The following PGM3 variants were observed in gnomAD, a reference collection of about 807,000 sequenced individuals.
PGM3 encodes the protein phosphoacetylglucosamine mutase.
PGM3 carries 40 observed loss-of-function variants against 66.2 expected under a neutral mutation model. The ratio of observed to expected loss-of-function variants is 0.60; its 90% CI spans 0.47 to 0.79. The LOEUF (loss-of-function observed/expected upper bound fraction) is 0.79. Ranked by LOEUF, PGM3 falls within the 30% of genes least tolerant of loss-of-function variation. The pLI is 0.00. For synonymous variants in PGM3, 191 were observed against 224.2 expected, an observed-to-expected ratio of 0.85 and a Z score of 1.32; for missense variants, 537 against 643.4, an observed-to-expected ratio of 0.83 and a Z score of 1.79.
downstream of PGM3, among the ~76,000 whole-genome samples, chr6:83,163,742 C>T (rs1784778387): frequency 6.6e-6 from 1 of 152,086 alleles, no homozygotes; most frequent in Non-Finnish European, 1.5e-5. Context: ...AAGACCCCCA[C>T]AACCTGCAGT....
Position 83,190,730 on chromosome 6 carries a change from C to T in PGM3, c.204+79G>A, listed in dbSNP as rs759249162. 6.8e-5 allele frequency: 76 copies of T among 1,121,180 alleles called. 1 individual carries two copies. The highest frequency in any genetic ancestry group is 9.9e-5 in the Non-Finnish European group (74 of 744,902). The allele number at this position is 1,121,180 out of a possible 1,614,324, so 69.5% of individuals were successfully genotyped here. A position where few individuals can be genotyped will look rare whatever the true frequency, so the allele number is the denominator to read the frequency against. The stretch of plus-strand genomic sequence containing the variant: ...CACATTCCTAGAATTAGAATTTGTA[C>T]TTTAGGTCAATTTGCTCAGACACTA... On this transcript the variant is annotated intron_variant, in intron 2 of 12. Transcript: ENST00000513973.
intron 3 of PGM3, 152 bp from the exon 4 acceptor site, chr6:83,187,227 G>A: frequency 6.0e-6 from 3 of 504,182 alleles, no homozygotes; most frequent in African/African-American, 2.0e-5. Context: ...CAAGATAACT[G>A]GTAAATTATA....
chr6:83,159,615 A>C, downstream of PGM3: 1 of 707,252 alleles, frequency 1.4e-6, no homozygotes, highest in Admixed American at 2.9e-5. Context: ...GCATTCTCAA[A>C]GAAGAAAAGT....
At chr6:83,191,945 G>GT (rs1789112097) in intron 1 of PGM3, among the ~76,000 whole-genome samples, 1 of 110,540 alleles carries the variant, frequency 9.0e-6, no homozygotes, top group African/African-American at 3.4e-5. Context: ...GGTGACAAAG[G>GT]GAGACTCGGT....
At chr6:83,171,576 T>TGCCTCCCAGGTTCAAGTGATTC (rs1270424354) in intron 11 of PGM3, among the ~76,000 whole-genome samples, 1 of 152,176 alleles carries the variant, frequency 6.6e-6, no homozygotes, top group Non-Finnish European at 1.5e-5. Context: ...CTGCAACCTC[T>TGCCTCCCAGGTTCAAGTGATTC]GCCTCCCAGG....
rs1583236080 is a variant in PGM3 at position 83,168,528 on chromosome 6, A to G, written c.*706T>C. ...GGTTGGGGATTTTTCTCTTTTCCTT[A>G]TTAACCATGTTCTGGTATCAGAATG... On this transcript the variant is annotated 3_prime_UTR_variant, in exon 13 of 13. Coordinates refer to ENST00000513973, the MANE Select transcript of PGM3 (RefSeq NM_015599.3). 2 of 1,008,524 alleles carry G rather than the reference A, an allele frequency of 2.0e-6. No homozygotes were observed. Among genetic ancestry groups the G allele is most frequent in the East Asian group, 2.0e-4 (2 of 9,832 alleles). The allele number at this position is 1,008,524 out of a possible 1,614,324, so 62.5% of individuals were successfully genotyped here.
rs540127091 is a variant in PGM3, at chr6:83,171,925, T to C, written c.1365+12A>G. 6.2e-7 allele frequency: 1 copy of C among 1,605,870 alleles called. No individual in the cohort carries two copies. The highest frequency in any genetic ancestry group is 1.1e-5 in the South Asian group (1 of 89,742). ...AATATTCAAAAAAGTTACTTTAAAG[T>C]TTCTCTCACACCTGAACTTTAAGTT... On this transcript the variant is annotated intron_variant, in intron 11 of 12. Transcript: ENST00000513973.
At chr6:83,192,670 T>C (rs1317671825) in intron 1 of PGM3, among the ~76,000 whole-genome samples, 2 of 151,652 alleles carry the variant, frequency 1.3e-5, no homozygotes. Flanking sequence ...CATAAGAGTG[T>C]AAACCAGTCC....
chr6:83,169,841 C>G (rs1562406839), intron 12 of PGM3: 1 of 456,370 alleles, frequency 2.2e-6, no homozygotes. Flanking sequence ...AGTCTTGACC[C>G]CTGTCAGGGA....
Position 83,166,600 on chromosome 6 carries a change from A to T in PGM3, c.*2634T>A. The T allele has an allele frequency of 1.5e-6, 1 of 674,408 alleles. No homozygotes were observed. Among genetic ancestry groups the T allele is most frequent in the Non-Finnish European group, 2.3e-6 (1 of 433,086 alleles). 41.8% of individuals were successfully genotyped at this position (674,408 alleles called of 1,614,324 possible). On this transcript the variant is annotated 3_prime_UTR_variant, in exon 13 of 13. Coordinates refer to ENST00000513973, the MANE Select transcript of PGM3 (RefSeq NM_015599.3). ...ATATGCTTAAAATGATGTATAACAT[A>T]ACCACATTTATTTAAGAATGTACTC...
At chr6:83,160,433 T>C (rs1361382917), downstream of PGM3, among the ~76,000 whole-genome samples, 1 of 152,174 alleles carries the variant, frequency 6.6e-6, no homozygotes, top group Non-Finnish European at 1.5e-5. Context: ...GAGCAGAATG[T>C]TAAGAAGAAG....
At chr6:83,154,401 C>T in the PGM3 span, 16 of 622,192 alleles carry the variant, frequency 2.6e-5, no homozygotes, top group South Asian at 2.5e-4. Flanking sequence ...ACTTTCTGTA[C>T]GCTATGGGAA....
chr6:83,185,587 C>T (rs895425210), intron 4 of PGM3, among the ~76,000 whole-genome samples: 5 of 152,070 alleles, frequency 3.3e-5, no homozygotes, highest in African/African-American at 7.2e-5. Context: ...CATGATGAAA[C>T]GCCATCTCTA....
the PGM3 span, chr6:83,153,864 G>A: frequency 0.27 from 434,199 of 1,580,828 alleles, 63,782 homozygotes; most frequent in African/African-American, 0.57. Flanking sequence ...GTTAGGACAC[G>A]TAGGTTAAGG....
chr6:83,155,784 C>T, the PGM3 span, among the ~76,000 whole-genome samples: 1 of 152,192 alleles, frequency 6.6e-6, no homozygotes, highest in Non-Finnish European at 1.5e-5. Flanking sequence ...GGCTTATATA[C>T]GTTGGATCTG....
chr6:83,169,082 C>T lies in PGM3; in HGVS notation c.*152G>A. The T allele has an allele frequency of 7.0e-7, 1 of 1,435,362 alleles. No individual in the cohort carries two copies. Among genetic ancestry groups the T allele is most frequent in the Non-Finnish European group, 9.1e-7 (1 of 1,098,872 alleles). 88.9% of individuals were successfully genotyped at this position (1,435,362 alleles called of 1,614,324 possible). ...GCTTACCTATTTATAAAGAATTATTCTGTTAGTGTTTAAGAAAAACAGATC... is the reference window on the plus strand; with the variant it reads ...GCTTACCTATTTATAAAGAATTATTTTGTTAGTGTTTAAGAAAAACAGATC... On this transcript the variant is annotated 3_prime_UTR_variant, in exon 13 of 13. Coordinates refer to ENST00000513973, the MANE Select transcript of PGM3 (RefSeq NM_015599.3).
At chr6:83,153,964 C>T in the PGM3 span, 21 of 1,613,886 alleles carry the variant, frequency 1.3e-5, no homozygotes, top group African/African-American at 4.0e-5. Context: ...TCAGTACACA[C>T]GGAGAGCTTG....
At chr6:83,150,363 C>T in the PGM3 span, among the ~76,000 whole-genome samples, 1 of 148,366 alleles carries the variant, frequency 6.7e-6, no homozygotes, top group Non-Finnish European at 1.5e-5. Flanking sequence ...AAATTAAGTT[C>T]ATTTGTTGTG....
intron 5 of PGM3, 63 bp from the exon 6 acceptor site, chr6:83,181,994 A>G: frequency 9.5e-7 from 1 of 1,052,250 alleles, no homozygotes; most frequent in South Asian, 1.6e-5. Flanking sequence ...GTGAAATATA[A>G]AGCATATATA....
Sources: gnomAD v4.1 joint callset for allele counts (sites outside exome capture counted in the v4.1 genomes callset) on GRCh38, gnomAD v4.1.1 for gene constraint, MANE v1.5 for transcripts, NCBI Gene and HGNC (gene_info 2026-07-23, HGNC 2026-07-21) for gene names.